Variants in ADAMTS8 observed in about 807,000 individuals in gnomAD.
The protein encoded by ADAMTS8 is A disintegrin and metalloproteinase with thrombospondin motifs 8.
ADAMTS8 carries 50 observed loss-of-function variants against 64.4 expected under a neutral mutation model. The observed-to-expected ratio is 0.78, with a 90% CI of 0.62 to 0.98. ADAMTS8 has a LOEUF of 0.98. Ranked by LOEUF, ADAMTS8 falls within the 50% of genes least tolerant of loss-of-function variation. The probability of loss-of-function intolerance (pLI) is 0.00; values close to 1 mark genes in which losing one functional copy is unlikely to be tolerated. For synonymous variants in ADAMTS8, 556 were observed against 533.6 expected (o/e 1.04, Z -0.58); for missense variants, 1,192 against 1,208.2 (o/e 0.99, Z 0.20).
At chr11:130,419,352 T>G in intron 1 of ADAMTS8, 60 bp from the exon 2 acceptor site, 1 of 1,602,294 alleles carries the variant, frequency 6.2e-7, no homozygotes, top group Non-Finnish European at 8.5e-7. Flanking sequence ...GCCCTTGGCC[T>G]GGCCTGTCCG....
At chr11:130,415,507 G>A (rs1380902514) in intron 4 of ADAMTS8, among the ~76,000 whole-genome samples, 2 of 150,996 alleles carry the variant, frequency 1.3e-5, no homozygotes, top group African/African-American at 4.9e-5. Context: ...GTTTCACCAT[G>A]TTGGACGGGC....
At chr11:130,412,395 G>A (rs1210235654) in intron 5 of ADAMTS8, among the ~76,000 whole-genome samples, 1 of 152,012 alleles carries the variant, frequency 6.6e-6, no homozygotes, top group East Asian at 1.9e-4. Flanking sequence ...TGTATTTTTA[G>A]TAGAGATGGG....
intron 1 of ADAMTS8, among the ~76,000 whole-genome samples, chr11:130,421,616 A>G (rs1406745468): frequency 6.6e-6 from 1 of 152,028 alleles, no homozygotes; most frequent in Admixed American, 6.6e-5. Context: ...TGTTCTACTG[A>G]GTTTTTGGTT....
rs1373310213 is a variant in ADAMTS8 at position 130,405,374 on chromosome 11, C to T, written c.*184G>A. The T allele has an allele frequency of 7.1e-7, 1 of 1,414,216 alleles. No individual in the cohort carries two copies. Among genetic ancestry groups the T allele is most frequent in the Non-Finnish European group, 9.2e-7 (1 of 1,089,526 alleles). The allele number at this position is 1,414,216 out of a possible 1,614,324, so 87.6% of individuals were successfully genotyped here. On this transcript the variant is annotated 3_prime_UTR_variant, in exon 9 of 9. Coordinates refer to ENST00000257359, the MANE Select transcript of ADAMTS8 (RefSeq NM_007037.6). ...ACAGTTGATGATAGGGTCTGCCGCCCCATACCCTCTCCTCTTCCCCCTTAG... is the reference window on the plus strand; with the variant it reads ...ACAGTTGATGATAGGGTCTGCCGCCTCATACCCTCTCCTCTTCCCCCTTAG...
chr11:130,406,180 T>A, intron 8 of ADAMTS8, 52 bp from the exon 9 acceptor site: 1 of 1,558,350 alleles, frequency 6.4e-7, no homozygotes. Flanking sequence ...CCAGCCCAGG[T>A]CACGATGATG....
At position 130,428,357 on chromosome 11, in the gene ADAMTS8, C is replaced by A; in HGVS notation, c.-71G>T. On this transcript the variant is annotated 5_prime_UTR_variant, in exon 1 of 9. Transcript: ENST00000257359. The stretch of plus-strand genomic sequence containing the variant: ...CAGGCGCGGGCAGGTGCTGGCGGCC[C>A]GAGCGCGGCCCGGCCGCTCTCTCCA... The A allele has an allele frequency of 1.6e-6, 2 of 1,235,014 alleles. No individual in the cohort carries two copies. Among genetic ancestry groups the A allele is most frequent in the Middle Eastern group, 3.2e-4 (1 of 3,112 alleles). The allele number at this position is 1,235,014 out of a possible 1,614,324, so 76.5% of individuals were successfully genotyped here.
At chr11:130,409,279 G>A (rs1861924243) in intron 6 of ADAMTS8, among the ~76,000 whole-genome samples, 1 of 152,190 alleles carries the variant, frequency 6.6e-6, no homozygotes, top group African/African-American at 2.4e-5. Context: ...GGCATGTGGA[G>A]CTATATTCTC....
At chr11:130,421,981 C>A (rs547675853) in intron 1 of ADAMTS8, among the ~76,000 whole-genome samples, 3 of 152,360 alleles carry the variant, frequency 2.0e-5, no homozygotes, top group East Asian at 1.9e-4. Flanking sequence ...AGCCGCCCCC[C>A]AAACCACGGC....
rs375122870 is a variant in ADAMTS8 at position 130,419,048 on chromosome 11, C to T, written c.960+5G>A. ...TCCCCAGGGCTTCCGGAGCCAGGCA[C>T]GGACCTGTCTGGTGAGCAGGATGGC... On this transcript the variant is annotated splice_donor_5th_base_variant and intron_variant, in intron 2 of 8. Coordinates refer to ENST00000257359, the MANE Select transcript of ADAMTS8 (RefSeq NM_007037.6). 2.4e-5 allele frequency: 39 copies of T among 1,613,912 alleles called. No individual in the cohort carries two copies. Among genetic ancestry groups the T allele is most frequent in the Non-Finnish European group, 2.9e-5 (34 of 1,180,014 alleles).
chr11:130,415,363 G>A (rs560804200), intron 4 of ADAMTS8, among the ~76,000 whole-genome samples: 2 of 151,892 alleles, frequency 1.3e-5, no homozygotes, highest in East Asian at 3.9e-4. Context: ...GAGTGCAGTG[G>A]CTCGATCTCG....
In ADAMTS8 at chr11:130,413,372, G is replaced by A. The variant is rs891436910; in HGVS notation, c.1566+1159C>T. ...GGATCAGTCCATGAATCCTGCACCA[G>A]CTCAGGCTTAGGACAAGAGTACAGA... On this transcript the variant is annotated intron_variant, in intron 5 of 8. Transcript: ENST00000257359. Among the ~76,000 whole-genome samples the A allele has an allele frequency of 9.2e-5, 14 of 152,318 alleles. No individual in the cohort carries two copies. In the South Asian group the frequency reaches 2.9e-3, roughly 32 times the overall value.
chr11:130,405,405 T>C lies in ADAMTS8; in HGVS notation c.*153A>G, dbSNP rs1004358311. On this transcript the variant is annotated 3_prime_UTR_variant, in exon 9 of 9. Coordinates refer to ENST00000257359, the MANE Select transcript of ADAMTS8 (RefSeq NM_007037.6). ...CCTCTCCTCTTCCCCCTTAGGAATT[T>C]GTGCAGTACTGGAGGGGTTGCGGCA... 4 of 1,445,130 alleles carry C rather than the reference T, an allele frequency of 2.8e-6. No homozygotes were observed. In the African/African-American group the frequency reaches 4.3e-5, roughly 15 times the overall value. 89.5% of individuals were successfully genotyped at this position (1,445,130 alleles called of 1,614,324 possible).
rs1243224640 is a variant in ADAMTS8, at chr11:130,405,674, A to G, written c.2554T>C (p.Trp852Arg). The change falls in exon 9 of 9, where the codon TGG becomes CGG. Residue 852 changes from tryptophan (W) to arginine (R), a missense_variant. Transcript: ENST00000257359. The part of the protein sequence containing the change: ...SECSSTCGAG[W>R]QRRTVECRDP... ...CTGCACTCTACAGTTCGCCTCTGCC[A>G]GCCGGCCCCGCAGGTGCTAGAGCAC... is the stretch of plus-strand genomic sequence containing the variant. 2 of 1,613,948 alleles carry G rather than the reference A, an allele frequency of 1.2e-6. No individual in the cohort carries two copies. Among genetic ancestry groups the G allele is most frequent in the African/African-American group, 2.7e-5 (2 of 74,946 alleles).
intron 1 of ADAMTS8, among the ~76,000 whole-genome samples, chr11:130,419,954 C>T (rs538498810): frequency 2.5e-4 from 38 of 152,354 alleles, no homozygotes; most frequent in Non-Finnish European, 4.4e-4. Flanking sequence ...TACTCTGCCA[C>T]AGTACCTCAT....
Position 130,428,074 on chromosome 11 carries a change from G to T in ADAMTS8, c.213C>A (p.Asp71Glu). The stretch of plus-strand genomic sequence containing the variant: ...TGAACTCGGGCGCTAGGAAGCTGTC[G>T]TCGGGCGCCAGGCGCAGCACGAAGC... ...GKGFVLRLAP[D>E]DSFLAPEFKI... The change falls in exon 1 of 9, where the codon GAC (aspartate) becomes GAA (glutamate). Residue 71 changes from aspartate (D) to glutamate (E), a missense_variant. By Grantham distance (45) the Asp-to-Glu change is conservative. Coordinates refer to ENST00000257359, the MANE Select transcript of ADAMTS8 (RefSeq NM_007037.6). The T allele has an allele frequency of 2.6e-6, 4 of 1,537,752 alleles. No individual in the cohort carries two copies. The highest frequency in any genetic ancestry group is 2.6e-6 in the Non-Finnish European group (3 of 1,151,102).
At chr11:130,424,325 T>A (rs1327956995) in intron 1 of ADAMTS8, among the ~76,000 whole-genome samples, 2 of 152,180 alleles carry the variant, frequency 1.3e-5, no homozygotes, top group Admixed American at 6.5e-5. Flanking sequence ...AGCTGTGCAG[T>A]CTCCCTCTGC....
intron 1 of ADAMTS8, 66 bp from the exon 2 acceptor site, chr11:130,419,358 G>C (rs1862070784): frequency 6.3e-7 from 1 of 1,596,288 alleles, no homozygotes; most frequent in Non-Finnish European, 8.5e-7. Context: ...GGCCTGGCCT[G>C]TCCGCTGCCA....
At chr11:130,427,230 G>T (rs1413568456) in intron 1 of ADAMTS8, among the ~76,000 whole-genome samples, 1 of 152,172 alleles carries the variant, frequency 6.6e-6, no homozygotes, top group Non-Finnish European at 1.5e-5. Context: ...GGCAGGTGCC[G>T]GGGAATGCGT....
chr11:130,407,970 A>G lies in ADAMTS8; in HGVS notation c.2099+494T>C, dbSNP rs557886316. ...ATTAGGATGAGAAAAAAGTGTCTGG[A>G]GTTCTCAGATTCATGAAAGCCCTGA... On this transcript the variant is annotated intron_variant, in intron 8 of 8. Coordinates refer to ENST00000257359, the MANE Select transcript of ADAMTS8 (RefSeq NM_007037.6). 1.2e-4 allele frequency among the ~76,000 whole-genome samples: 18 copies of G among 152,298 alleles called. No individual in the cohort carries two copies. In the East Asian group the frequency reaches 3.5e-3, roughly 29 times the overall value.
Sources: allele counts gnomAD v4.1 joint callset (sites outside exome capture counted in the v4.1 genomes callset), GRCh38; gene constraint gnomAD v4.1.1; transcripts MANE v1.5; gene names NCBI Gene and HGNC (gene_info 2026-07-23, HGNC 2026-07-21).